The following GAK variants were observed in gnomAD, a reference collection of about 807,000 sequenced individuals.
GAK encodes cyclin G associated kinase.
Under a neutral mutation model 143.9 loss-of-function variants are expected in GAK, and 79 were observed. The observed-to-expected ratio is 0.55, with a 90% CI of 0.46 to 0.66. GAK has a LOEUF of 0.66. Among genes scored for constraint, GAK ranks in the 30% least tolerant of loss-of-function variants. The pLI, the probability that GAK is intolerant of heterozygous loss-of-function variation, is 0.00. For missense variants in GAK, 1,693 were observed against 1,779.7 expected, an observed-to-expected ratio of 0.95 and a Z score of 0.88; for synonymous variants, 881 against 765.5, an observed-to-expected ratio of 1.15 and a Z score of -2.49.
chr4:906,752 C>T (rs1249018988), intron 4 of GAK, among the ~76,000 whole-genome samples: 1 of 152,176 alleles, frequency 6.6e-6, no homozygotes, highest in African/African-American at 2.4e-5. Flanking sequence ...AGGCCACGAC[C>T]CCTGCAGCCC....
chr4:895,660 A>C (rs935428737), intron 7 of GAK, among the ~76,000 whole-genome samples: 3 of 152,230 alleles, frequency 2.0e-5, no homozygotes, highest in African/African-American at 7.2e-5. Context: ...TGACGGGGTA[A>C]GGGGACGTCA....
Position 883,308 on chromosome 4 carries a change from C to A in GAK, c.1404+7G>T, listed in dbSNP as rs770016247. 3 of 1,612,942 alleles carry A rather than the reference C, an allele frequency of 1.9e-6. No homozygotes were observed. In the South Asian group the frequency reaches 3.3e-5, roughly 18 times the overall value. Reference sequence around the variant, plus strand: ...GTGGCACCAAGACAAAGCCTGTGGCCACACACCCGGTTGTGGAACCTGGAG... The same window carrying A: ...GTGGCACCAAGACAAAGCCTGTGGCAACACACCCGGTTGTGGAACCTGGAG... On this transcript the variant is annotated splice_region_variant and intron_variant, in intron 13 of 27. Coordinates refer to ENST00000314167, the MANE Select transcript of GAK (RefSeq NM_005255.4).
At position 893,860 on chromosome 4, in the gene GAK, C is replaced by G; in HGVS notation, c.877+14G>C. ...CAGGGTCCTGCCCCACGCACGCATT[C>G]CACCGGGACTTACGGATGAGGCTGT... On this transcript the variant is annotated intron_variant, in intron 8 of 27. Transcript: ENST00000314167. 6.4e-7 allele frequency: 1 copy of G among 1,570,372 alleles called. No homozygotes were observed. The highest frequency in any genetic ancestry group is 8.7e-7 in the Non-Finnish European group (1 of 1,154,974).
intron 1 of GAK, among the ~76,000 whole-genome samples, chr4:919,861 T>C (rs1259021979): frequency 6.6e-6 from 1 of 152,108 alleles, no homozygotes; most frequent in Non-Finnish European, 1.5e-5. Flanking sequence ...TGACCAAAAG[T>C]GTATACTAAG....
In GAK at chr4:866,570, C is replaced by A. The variant is rs200192853; in HGVS notation, c.2873-36G>T. ...AGGCGGGCATGGGGAGGACTCAGCCCGGCTGCCTGAAGACAAAGGAGCCCA... is the reference window on the plus strand; with the variant it reads ...AGGCGGGCATGGGGAGGACTCAGCCAGGCTGCCTGAAGACAAAGGAGCCCA... On this transcript the variant is annotated intron_variant, in intron 21 of 27. Coordinates refer to ENST00000314167, the MANE Select transcript of GAK (RefSeq NM_005255.4). 1.5e-4 allele frequency: 235 copies of A among 1,600,150 alleles called. 1 individual carries two copies. The African/African-American group carries it at 2.8e-3, about 19-fold the overall frequency.
At chr4:866,662 G>A (rs147048424) in intron 21 of GAK, 128 bp from the exon 22 acceptor site, 53 of 1,016,444 alleles carry the variant, frequency 5.2e-5, no homozygotes, top group Middle Eastern at 3.3e-4. Context: ...GGCTGCCCTC[G>A]CAGGGGCACT....
chr4:880,865 AGG>A (rs1714957590), intron 15 of GAK, among the ~76,000 whole-genome samples: 1 of 152,196 alleles, frequency 6.6e-6, no homozygotes, highest in Non-Finnish European at 1.5e-5. Context: ...CACATGCCAC[AGG>A]GAAAGAGACT....
At chr4:859,992 C>T (rs980584312) in intron 23 of GAK, among the ~76,000 whole-genome samples, 1 of 152,216 alleles carries the variant, frequency 6.6e-6, no homozygotes, top group Admixed American at 6.5e-5. Context: ...TATGATTCTG[C>T]AGTACCACTT....
Position 865,026 on chromosome 4 carries a change from C to A in GAK, c.3166+96G>T, listed in dbSNP as rs762557723. 6.1e-6 allele frequency: 9 copies of A among 1,483,252 alleles called. No homozygotes were observed. In the Admixed American group the frequency reaches 8.1e-5, roughly 13 times the overall value. The allele number at this position is 1,483,252 out of a possible 1,614,324, so 91.9% of individuals were successfully genotyped here. A position where few individuals can be genotyped will look rare whatever the true frequency, so the allele number is the denominator to read the frequency against. On this transcript the variant is annotated intron_variant, in intron 23 of 27. Transcript: ENST00000314167. ...GCCCCAGCCCTTCCTTCCTTCTCTG[C>A]GCAGAGAGGGCCCTGTTACAGGTAC...
Position 922,213 on chromosome 4 carries a change from C to T in GAK, c.146-8545G>A, listed in dbSNP as rs79041409. On this transcript the variant is annotated intron_variant, in intron 1 of 27. Coordinates refer to ENST00000314167, the MANE Select transcript of GAK (RefSeq NM_005255.4). ...GACACACCAGAGATGTCAGCATCCCCTCAGCAAAAAGGCAGCATCGGCCGG... is the reference window on the plus strand; with the variant it reads ...GACACACCAGAGATGTCAGCATCCCTTCAGCAAAAAGGCAGCATCGGCCGG... Among the ~76,000 whole-genome samples the T allele has an allele frequency of 1.4e-3, 206 of 152,250 alleles. 6 individuals are homozygous for T. In the East Asian group the frequency reaches 0.037, roughly 28 times the overall value.
At chr4:891,714 C>A (rs981791012) in intron 9 of GAK, among the ~76,000 whole-genome samples, 3 of 152,308 alleles carry the variant, frequency 2.0e-5, no homozygotes, top group African/African-American at 2.4e-5. Context: ...CCCACACCCC[C>A]CTGCGAGCCC....
At chr4:930,674 C>T (rs1038592613) in intron 1 of GAK, among the ~76,000 whole-genome samples, 3 of 151,914 alleles carry the variant, frequency 2.0e-5, no homozygotes, top group Non-Finnish European at 4.4e-5. Flanking sequence ...CTAGTATTTT[C>T]AGAATAAATG....
At chr4:903,519 G>A (rs965472301) in intron 5 of GAK, among the ~76,000 whole-genome samples, 1 of 151,812 alleles carries the variant, frequency 6.6e-6, no homozygotes, top group Non-Finnish European at 1.5e-5. Context: ...GTCCAGGACT[G>A]CCCAGGGGCC....
At chr4:853,087 C>G (rs908300705) in intron 24 of GAK, 1 of 152,164 alleles carries the variant, frequency 6.6e-6, no homozygotes, top group African/African-American at 2.4e-5. Flanking sequence ...GGCCTCACCT[C>G]CCACAGGGCT....
At chr4:908,064 T>G (rs1156465334) in intron 4 of GAK, among the ~76,000 whole-genome samples, 1 of 152,224 alleles carries the variant, frequency 6.6e-6, no homozygotes, top group East Asian at 1.9e-4. Context: ...ACACCCGTCC[T>G]GCTCAAGCCT....
rs149359691 is a variant in GAK, at chr4:888,581, A to G, written c.1205+266T>C. On this transcript the variant is annotated intron_variant, in intron 11 of 27. Coordinates refer to ENST00000314167, the MANE Select transcript of GAK (RefSeq NM_005255.4). ...GGAACGCCCCAGAGTGAGGGGCGAC[A>G]TTGCAGCAAGGGAGGGGAGGGCCCA... 469 of 470,342 alleles carry G rather than the reference A, an allele frequency of 1.0e-3. 9 individuals are homozygous for G. The East Asian group carries it at 0.018, about 19-fold the overall frequency. 29.1% of individuals were successfully genotyped at this position (470,342 alleles called of 1,614,324 possible).
chr4:893,522 G>A (rs376952952), intron 8 of GAK, 33 bp from the exon 9 acceptor site: 21 of 1,468,516 alleles, frequency 1.4e-5, no homozygotes, highest in African/African-American at 8.5e-5. Flanking sequence ...TCGGCCCCAC[G>A]GTTCCCCAGG....
At chr4:919,552 C>T (rs1723597823) in intron 1 of GAK, among the ~76,000 whole-genome samples, 1 of 152,264 alleles carries the variant, frequency 6.6e-6, no homozygotes, top group Non-Finnish European at 1.5e-5. Flanking sequence ...TGCCCAGGGC[C>T]TTCCCACACA....
intron 23 of GAK, among the ~76,000 whole-genome samples, chr4:860,879 G>A (rs907721015): frequency 6.6e-6 from 1 of 152,264 alleles, no homozygotes; most frequent in African/African-American, 2.4e-5. Context: ...TCCACCTGCT[G>A]AGGGCTGTGT....
Sources: allele counts gnomAD v4.1 joint callset (sites outside exome capture counted in the v4.1 genomes callset), GRCh38; gene constraint gnomAD v4.1.1; transcripts MANE v1.5; gene names NCBI Gene and HGNC (gene_info 2026-07-23, HGNC 2026-07-21).